GDPD1: variants seen among roughly 807,000 people sequenced by gnomAD.
GDPD1 encodes the protein lysophospholipase D GDPD1.
A neutral mutation model predicts 45.1 loss-of-function variants in GDPD1; 28 were observed. That is an observed-to-expected ratio of 0.62 (90% confidence interval 0.46 to 0.85). The LOEUF is 0.85. Among genes scored for constraint, GDPD1 ranks in the 40% least tolerant of loss-of-function variants. The probability of loss-of-function intolerance (pLI) is 0.00; values close to 1 mark genes in which losing one functional copy is unlikely to be tolerated. For missense variants in GDPD1, 256 were observed against 364.8 expected, an observed-to-expected ratio of 0.70 and a Z score of 2.43; for synonymous variants, 139 against 131.4, an observed-to-expected ratio of 1.06 and a Z score of -0.40.
intron 2 of GDPD1, among the ~76,000 whole-genome samples, chr17:59,244,378 A>T (rs3926718): frequency 0.1 from 15,395 of 152,140 alleles, 1,037 homozygotes; most frequent in South Asian, 0.26. Flanking sequence ...TTTGTATTTT[A>T]GTAGAGACAA....
chr17:59,260,965 A>C (rs1414717229), intron 6 of GDPD1: 1 of 152,144 alleles, frequency 6.6e-6, no homozygotes, highest in Non-Finnish European at 1.5e-5. Flanking sequence ...TTCCCACTAA[A>C]GCAAGTAAGT....
At chr17:59,236,976 C>T (rs778046561) in intron 2 of GDPD1, among the ~76,000 whole-genome samples, 4 of 152,030 alleles carry the variant, frequency 2.6e-5, no homozygotes, top group Admixed American at 6.6e-5. Flanking sequence ...TGAATACATA[C>T]TTTTTAAAAT....
chr17:59,241,726 C>A (rs74444925), intron 2 of GDPD1, among the ~76,000 whole-genome samples: 1 of 151,776 alleles, frequency 6.6e-6, no homozygotes, highest in Admixed American at 6.6e-5. Context: ...TTCAGGAGTT[C>A]GAGACCACTC....
intron 1 of GDPD1, among the ~76,000 whole-genome samples, chr17:59,234,177 C>T (rs993655112): frequency 2.6e-5 from 4 of 151,816 alleles, no homozygotes; most frequent in Non-Finnish European, 2.9e-5. Flanking sequence ...GAAACCCCGT[C>T]TCTACTAAAA....
intron 6 of GDPD1, among the ~76,000 whole-genome samples, chr17:59,261,913 C>CTTTTTTTTTTTTTTTTTTTTTTTT: frequency 1.3e-5 from 1 of 79,334 alleles, no homozygotes; most frequent in Non-Finnish European, 2.2e-5. Context: ...AGATTACAGG[C>CTTTTTTTTTTTTTTTTTTTTTTTT]TTTTTTTTTT....
Position 59,257,231 on chromosome 17 carries a change from G to A in GDPD1, c.477G>A (p.Leu159=). The change falls in exon 5 of 10, where the codon CTG becomes CTA. Residue 159 remains leucine, a synonymous_variant. Transcript: ENST00000284116. ...ATATCAAAGTCAACAACAATGTGCT[G>A]ATTAAGAAGGTACTCAAGGCATTGC... is the stretch of plus-strand genomic sequence containing the variant. ...NIDIKVNNNV[L]IKKVSELVKR... The A allele has an allele frequency of 6.4e-7, 1 of 1,558,642 alleles. No homozygotes were observed. The highest frequency in any genetic ancestry group is 8.8e-7 in the Non-Finnish European group (1 of 1,142,154).
rs1338075836 is a variant in GDPD1, at chr17:59,248,740, G to A, written c.322G>A (p.Glu108Lys). 6.3e-7 allele frequency: 1 copy of A among 1,594,154 alleles called. No homozygotes were observed. The highest frequency in any genetic ancestry group is 8.6e-7 in the Non-Finnish European group (1 of 1,169,562). The change falls in exon 4 of 10, where the codon GAG becomes AAG. Residue 108 changes from glutamate to lysine, a missense_variant and splice_region_variant. By Grantham distance (56) the Glu-to-Lys change is moderately conservative. Transcript: ENST00000284116. ...NVNISDLKYC[E>K]LPPYLGKLDV... ...TTTTTTCAATCATATCTTTTTAAAG[G>A]AGCTCCCACCTTACCTTGGCAAACT...
intron 2 of GDPD1, among the ~76,000 whole-genome samples, chr17:59,238,853 G>A (rs1362766708): frequency 6.6e-6 from 1 of 152,194 alleles, no homozygotes; most frequent in Non-Finnish European, 1.5e-5. Context: ...GAATAAAGCA[G>A]AACATTAGCA....
At chr17:59,232,108 GA>G (rs1343834668) in intron 1 of GDPD1, among the ~76,000 whole-genome samples, 3 of 152,006 alleles carry the variant, frequency 2.0e-5, no homozygotes, top group Non-Finnish European at 4.4e-5. Context: ...GACAAAGTGA[GA>G]AAAAAATGAT....
intron 1 of GDPD1, among the ~76,000 whole-genome samples, chr17:59,224,765 C>G (rs902691393): frequency 2.0e-5 from 3 of 152,110 alleles, no homozygotes; most frequent in Non-Finnish European, 4.4e-5. Flanking sequence ...GAGGTTGTTG[C>G]TATGATCGTG....
At position 59,273,621 on chromosome 17, in the gene GDPD1, TCTC is replaced by T. The variant is rs779576090; in HGVS notation, c.823-29_823-27del. On this transcript the variant is annotated intron_variant, in intron 9 of 9. Coordinates refer to ENST00000284116, the MANE Select transcript of GDPD1 (RefSeq NM_182569.4). The stretch of plus-strand genomic sequence containing the variant: ...AATAATTTTCTATTTTAACATTTCT[TCTC>T]ATACTTCTCACACTTCTAATTTTCA... 8 of 1,270,306 alleles carry T rather than the reference TCTC, an allele frequency of 6.3e-6. No homozygotes were observed. The African/African-American group carries it at 1.2e-4, about 19-fold the overall frequency. 78.7% of individuals were successfully genotyped at this position (1,270,306 alleles called of 1,614,324 possible).
rs752496617 is a variant in GDPD1 at position 59,245,492 on chromosome 17, T to C, written c.264T>C (p.Asp88=). Residue 88 remains aspartate (D), a synonymous_variant, in exon 3 of 10, where the codon GAT becomes GAC. Transcript: ENST00000284116. ...ATGAACAAGTTGTAGTGTCACATGA[T>C]GAGAATCTAAAGAGAGCAACTGGGG... ...TKDEQVVVSH[D]ENLKRATGVN... is the part of the protein sequence containing the mutation. 20 of 1,607,238 alleles carry C rather than the reference T, an allele frequency of 1.2e-5. No individual in the cohort carries two copies. Among genetic ancestry groups the C allele is most frequent in the Non-Finnish European group, 1.6e-5 (19 of 1,174,092 alleles).
intron 1 of GDPD1, among the ~76,000 whole-genome samples, chr17:59,225,319 A>G (rs1054391146): frequency 3.3e-5 from 5 of 151,922 alleles, no homozygotes; most frequent in African/African-American, 1.2e-4. Context: ...TGCCCAGGCT[A>G]GTCTCGATCT....
chr17:59,234,346 G>T (rs558061587), intron 1 of GDPD1, 146 bp from the exon 2 acceptor site: 7 of 579,866 alleles, frequency 1.2e-5, no homozygotes, highest in Non-Finnish European at 2.2e-5. Context: ...GCAAGACTCC[G>T]TCTCAAAAAA....
intron 6 of GDPD1, among the ~76,000 whole-genome samples, chr17:59,259,618 G>T (rs35137178): frequency 1.4e-5 from 2 of 146,474 alleles, no homozygotes; most frequent in African/African-American, 5.0e-5. Flanking sequence ...GCGTGGTGGC[G>T]TGCTCCTGTA....
At chr17:59,261,163 G>C (rs2047352655) in intron 6 of GDPD1, among the ~76,000 whole-genome samples, 1 of 151,982 alleles carries the variant, frequency 6.6e-6, no homozygotes, top group African/African-American at 2.4e-5. Flanking sequence ...ATGGGGTTTC[G>C]CCATGTTGGC....
At chr17:59,234,191 C>A (rs1027945177) in intron 1 of GDPD1, among the ~76,000 whole-genome samples, 31 of 148,012 alleles carry the variant, frequency 2.1e-4, no homozygotes, top group Non-Finnish European at 4.2e-4. Flanking sequence ...ACTAAAAATA[C>A]AAAAAAAAAA....
chr17:59,237,661 T>C (rs1357980372), intron 2 of GDPD1, among the ~76,000 whole-genome samples: 1 of 152,114 alleles, frequency 6.6e-6, no homozygotes. Flanking sequence ...GATGAGGAGA[T>C]ATTAATGACA....
At chr17:59,259,350 G>A (rs1458167446) in intron 6 of GDPD1, among the ~76,000 whole-genome samples, 3 of 151,288 alleles carry the variant, frequency 2.0e-5, no homozygotes, top group East Asian at 2.0e-4. Flanking sequence ...GGCGGATCAC[G>A]AGGTTGGGAG....
Sources: gnomAD v4.1 joint callset for allele counts (sites outside exome capture counted in the v4.1 genomes callset) on GRCh38, gnomAD v4.1.1 for gene constraint, MANE v1.5 for transcripts, NCBI Gene and HGNC (gene_info 2026-07-23, HGNC 2026-07-21) for gene names.